ANKRD28: variants seen among roughly 807,000 people sequenced by gnomAD.
ANKRD28 encodes the protein serine/threonine-protein phosphatase 6 regulatory ankyrin repeat subunit A.
A neutral mutation model predicts 126.5 loss-of-function variants in ANKRD28; 44 were observed. The observed-to-expected ratio is 0.35, with a 90% CI of 0.27 to 0.45. The LOEUF is 0.45. Among genes scored for constraint, ANKRD28 ranks in the 20% least tolerant of loss-of-function variants. The pLI is 1.00. For synonymous variants in ANKRD28, 442 were observed against 468.5 expected (o/e 0.94, Z 0.73); for missense variants, 1,110 against 1,316.6 (o/e 0.84, Z 2.43).
intron 6 of ANKRD28, among the ~76,000 whole-genome samples, chr3:15,734,725 T>G (rs558409562): frequency 1.3e-5 from 2 of 152,302 alleles, no homozygotes; most frequent in Non-Finnish European, 2.9e-5. Flanking sequence ...GAAGCGAGCA[T>G]TTCTATTCTG....
intron 14 of ANKRD28, among the ~76,000 whole-genome samples, chr3:15,699,692 C>T (rs912169687): frequency 6.6e-6 from 1 of 152,336 alleles, no homozygotes; most frequent in Admixed American, 6.5e-5. Flanking sequence ...GAGACACTAT[C>T]TCACGCCAGT....
chr3:15,727,897 T>C (rs897943684), intron 6 of ANKRD28, among the ~76,000 whole-genome samples: 8 of 152,338 alleles, frequency 5.3e-5, no homozygotes, highest in Admixed American at 3.9e-4. Context: ...GTGAATGTTG[T>C]TGAAATGACA....
At chr3:15,857,475 G>A (rs1200946800) in intron 1 of ANKRD28, among the ~76,000 whole-genome samples, 1 of 152,184 alleles carries the variant, frequency 6.6e-6, no homozygotes, top group East Asian at 1.9e-4. Flanking sequence ...AAGAGAAACG[G>A]GGTTTCACCA....
Position 15,833,552 on chromosome 3 carries a change from A to G in ANKRD28, c.27+25825T>C, listed in dbSNP as rs1465102995. 1.3e-5 allele frequency among the ~76,000 whole-genome samples: 2 copies of G among 149,414 alleles called. No individual in the cohort carries two copies. The highest frequency in any genetic ancestry group is 3.9e-4 in the East Asian group (2 of 5,140). ...AATATATACATTATTTTTTATATAT[A>G]TAATGTGTGTGTGTATATATATATC... On this transcript the variant is annotated intron_variant, in intron 1 of 27. Coordinates refer to the ANKRD28 transcript ENST00000399451. The surrounding 1 kb of genome is among the most constrained non-coding windows in gnomAD (Gnocchi z 4.4).
intron 9 of ANKRD28, among the ~76,000 whole-genome samples, 199 bp from the exon 10 acceptor site, chr3:15,713,840 G>A (rs899359441): frequency 5.3e-5 from 8 of 152,192 alleles, no homozygotes; most frequent in South Asian, 2.1e-4. Context: ...TGTGAATTAA[G>A]CATAAGATTT....
chr3:15,668,481 TGGG>T lies in ANKRD28; in HGVS notation c.*1786_*1788del, dbSNP rs905004106. The T allele has an allele frequency of 6.6e-6, 1 of 152,412 alleles. No individual in the cohort carries two copies. The highest frequency in any genetic ancestry group is 2.4e-5 in the African/African-American group (1 of 41,372). The allele number at this position is 152,412 out of a possible 1,614,324, so 9.4% of individuals were successfully genotyped here. A position where few individuals can be genotyped will look rare whatever the true frequency, so the allele number is the denominator to read the frequency against. ...ACTTCTTTATATTATAAAGAAAAGA[TGGG>T]GGATTAGATTTATAATTTCTGTAAA... On this transcript the variant is annotated 3_prime_UTR_variant, in exon 28 of 28. Coordinates refer to ENST00000683139, the MANE Select transcript of ANKRD28 (RefSeq NM_001349278.2).
chr3:15,678,272 C>G lies in ANKRD28; in HGVS notation c.2644G>C (p.Val882Leu). The change falls in exon 24 of 28, where the codon GTG becomes CTG. Residue 882 changes from valine (V) to leucine (L), a missense_variant. Physicochemically the swap from Val to Leu is conservative, Grantham distance 32. Transcript: ENST00000683139. ...LLSHNAQVNS[V>L]DSTGKTPLMM... ...AGAGGTGTTTTCCCTGTAGAGTCCA[C>G]AGAATTGACTTGAGCATTATGGCTG... 1.2e-6 allele frequency: 2 copies of G among 1,613,032 alleles called. No homozygotes were observed. Among genetic ancestry groups the G allele is most frequent in the Non-Finnish European group, 1.7e-6 (2 of 1,179,684 alleles).
Position 15,839,474 on chromosome 3 carries a change from T to G in ANKRD28, c.27+19903A>C, listed in dbSNP as rs2061388147. Among the ~76,000 whole-genome samples, 1 of 152,016 alleles carries G rather than the reference T, an allele frequency of 6.6e-6. No homozygotes were observed. Among genetic ancestry groups the G allele is most frequent in the Non-Finnish European group, 1.5e-5 (1 of 68,004 alleles). On this transcript the variant is annotated intron_variant, in intron 1 of 27. Coordinates refer to the ANKRD28 transcript ENST00000399451. The surrounding 1 kb of genome is among the most constrained non-coding windows in gnomAD (Gnocchi z 4.3). The stretch of plus-strand genomic sequence containing the variant: ...ACAGGAACACCAAACCAATGAAAAC[T>G]ATAATCACATTTCAGAATCAATGTG...
Position 15,797,964 on chromosome 3 carries a change from C to A in ANKRD28, c.-1443G>T, listed in dbSNP as rs771703414. Reference sequence around the variant, plus strand: ...AATGCCTAGTAATGCTCACATGTTACACTTACCAGAGATCTGAGCTACTTC... The same window carrying A: ...AATGCCTAGTAATGCTCACATGTTAAACTTACCAGAGATCTGAGCTACTTC... On this transcript the variant is annotated 5_prime_UTR_variant, in exon 1 of 28. Transcript: ENST00000683139. 29 of 985,366 alleles carry A rather than the reference C, an allele frequency of 2.9e-5. No homozygotes were observed. The highest frequency in any genetic ancestry group is 3.3e-5 in the Non-Finnish European group (27 of 829,910). 61.0% of individuals were successfully genotyped at this position (985,366 alleles called of 1,614,324 possible).
chr3:15,853,335 T>C lies in ANKRD28; in HGVS notation c.27+6042A>G, dbSNP rs927515994. On this transcript the variant is annotated intron_variant, in intron 1 of 27. Transcript: ENST00000399451. This position sits in a 1 kb window ranked among gnomAD's most constrained non-coding sequence, Gnocchi z 4.2. Reference sequence around the variant, plus strand: ...CTCACCCCAGTCCAGAATGAGTACATTCACTGAATATAAATTTTACATTAG... The same window carrying C: ...CTCACCCCAGTCCAGAATGAGTACACTCACTGAATATAAATTTTACATTAG... Among the ~76,000 whole-genome samples, 2 of 152,142 alleles carry C rather than the reference T, an allele frequency of 1.3e-5. No homozygotes were observed. The highest frequency in any genetic ancestry group is 2.9e-5 in the Non-Finnish European group (2 of 68,032).
intron 14 of ANKRD28, chr3:15,697,309 T>C (rs967935719): frequency 5.9e-5 from 9 of 152,912 alleles, no homozygotes; most frequent in African/African-American, 2.2e-4. Flanking sequence ...GTACCCAATA[T>C]GTAGTCTTTT....
intron 14 of ANKRD28, 76 bp from the exon 15 acceptor site, chr3:15,696,321 A>C: frequency 2.2e-6 from 2 of 917,104 alleles, no homozygotes; most frequent in Admixed American, 3.1e-5. Flanking sequence ...GACTGAAATT[A>C]AAAACTGACA....
chr3:15,754,903 G>A (rs1481435102), intron 3 of ANKRD28, among the ~76,000 whole-genome samples: 1 of 152,134 alleles, frequency 6.6e-6, no homozygotes, highest in African/African-American at 2.4e-5. Flanking sequence ...AATCACCTGA[G>A]GTCAGGAGTT....
Position 15,797,053 on chromosome 3 carries a change from C to G in ANKRD28, c.-532G>C. 1 of 985,244 alleles carries G rather than the reference C, an allele frequency of 1.0e-6. No individual in the cohort carries two copies. Among genetic ancestry groups the G allele is most frequent in the Middle Eastern group, 5.2e-4 (1 of 1,914 alleles). 61.0% of individuals were successfully genotyped at this position (985,244 alleles called of 1,614,324 possible). On this transcript the variant is annotated 5_prime_UTR_variant, in exon 1 of 28. Coordinates refer to ENST00000683139, the MANE Select transcript of ANKRD28 (RefSeq NM_001349278.2). ...AAATAAAAAATAAAATCTCACTATT[C>G]TGTTTCCACTTCTAATTTGTCTTCA...
rs1435782285 is a variant in ANKRD28 at position 15,814,004 on chromosome 3, C to T, written c.28-18698G>A. Among the ~76,000 whole-genome samples, 1 of 152,116 alleles carries T rather than the reference C, an allele frequency of 6.6e-6. No homozygotes were observed. Among genetic ancestry groups the T allele is most frequent in the Admixed American group, 6.6e-5 (1 of 15,264 alleles). On this transcript the variant is annotated intron_variant, in intron 1 of 27. Coordinates refer to the ANKRD28 transcript ENST00000399451. This position sits in a 1 kb window ranked among gnomAD's most constrained non-coding sequence, Gnocchi z 4.7. ...AAGACAGAGATCTTAGATTTATAAG[C>T]CCCCTCCACTGAAAATTTACTTGAA...
At chr3:15,731,340 G>A (rs1021535692) in intron 6 of ANKRD28, among the ~76,000 whole-genome samples, 1 of 152,122 alleles carries the variant, frequency 6.6e-6, no homozygotes, top group Non-Finnish European at 1.5e-5. Flanking sequence ...TTCTTAGTAG[G>A]TAAAAACACT....
Position 15,714,664 on chromosome 3 carries a change from G to T in ANKRD28, c.997-8C>A. The T allele has an allele frequency of 6.4e-7, 1 of 1,573,758 alleles. No homozygotes were observed. Among genetic ancestry groups the T allele is most frequent in the South Asian group, 1.2e-5 (1 of 82,994 alleles). ...GGTTTTCCCATCTTTACTCTGGGGGGGGAAGAAAAAAATTACTCACTCTAC... is the reference window on the plus strand; with the variant it reads ...GGTTTTCCCATCTTTACTCTGGGGGTGGAAGAAAAAAATTACTCACTCTAC... On this transcript the variant is annotated splice_region_variant and splice_polypyrimidine_tract_variant and intron_variant, in intron 8 of 27. Coordinates refer to ENST00000683139, the MANE Select transcript of ANKRD28 (RefSeq NM_001349278.2).
rs1423392251 is a variant in ANKRD28 at position 15,843,324 on chromosome 3, C to G, written c.27+16053G>C. Among the ~76,000 whole-genome samples the G allele has an allele frequency of 2.0e-5, 3 of 152,154 alleles. No individual in the cohort carries two copies. The highest frequency in any genetic ancestry group is 4.4e-5 in the Non-Finnish European group (3 of 68,026). The stretch of plus-strand genomic sequence containing the variant: ...ATCTGCCCCCATGATCCAATCACCT[C>G]TCACCAGACCCCAATCCCAACACTA... On this transcript the variant is annotated intron_variant, in intron 1 of 27. Transcript: ENST00000399451. The surrounding 1 kb of genome is among the most constrained non-coding windows in gnomAD (Gnocchi z 5.2).
chr3:15,762,211 AAACAAAAC>A (rs1559489169), intron 3 of ANKRD28, among the ~76,000 whole-genome samples: 13 of 34,738 alleles, frequency 3.7e-4, no homozygotes, highest in African/African-American at 7.3e-4. Flanking sequence ...AAAAAAAAAA[AAACAAAAC>A]AAAAAAAAAA....
Sources: allele counts gnomAD v4.1 joint callset (sites outside exome capture counted in the v4.1 genomes callset), GRCh38; gene constraint gnomAD v4.1.1; non-coding constraint Gnocchi (gnomAD v3.1); transcripts MANE v1.5; gene names NCBI Gene and HGNC (gene_info 2026-07-23, HGNC 2026-07-21).